The following NLRP14 variants were observed in gnomAD, a reference collection of about 807,000 sequenced individuals.
The protein encoded by NLRP14 is NACHT, LRR and PYD domains-containing protein 14.
Under a neutral mutation model 94.7 loss-of-function variants are expected in NLRP14, and 105 were observed. The observed-to-expected ratio is 1.11, with a 90% confidence interval of 0.95 to 1.30. The LOEUF is 1.30. Ranked by LOEUF, NLRP14 falls within the 50% of genes most tolerant of loss-of-function variation. The pLI, the probability that NLRP14 is intolerant of heterozygous loss-of-function variation, is 0.00. For synonymous variants in NLRP14, 508 were observed against 459.9 expected, an observed-to-expected ratio of 1.10 and a Z score of -1.34; for missense variants, 1,362 against 1,254.1, an observed-to-expected ratio of 1.09 and a Z score of -1.30.
At chr11:7,046,888 A>T in intron 5 of NLRP14, 56 bp downstream of exon 5, 1 of 1,299,890 alleles carries the variant, frequency 7.7e-7, no homozygotes, top group Non-Finnish European at 1.1e-6. Flanking sequence ...TCTGTGTCCC[A>T]TCTTCCACTC....
In NLRP14 at chr11:7,071,258, G is replaced by T; in HGVS notation, c.3232G>T (p.Asp1078Tyr). 1 of 1,613,596 alleles carries T rather than the reference G, an allele frequency of 6.2e-7. No homozygotes were observed. Residue 1078 changes from aspartate to tyrosine, a missense_variant, in exon 12 of 12, where the codon GAT becomes TAT. Transcript: ENST00000299481. ...CAATCCACACTTAATCATTAAGCCA[G>T]ATTGTAACTATCATAATGAAGAAGA... ...VSNPHLIIKP[D>Y]CNYHNEEDVS...
chr11:7,089,968 T>A, the NLRP14 span: 2 of 1,612,494 alleles, frequency 1.2e-6, no homozygotes, highest in Non-Finnish European at 1.7e-6. Flanking sequence ...CGAGAGCCCT[T>A]TGAGAGCTAC....
intron 10 of NLRP14, among the ~76,000 whole-genome samples, 184 bp from the exon 11 acceptor site, chr11:7,070,102 T>C (rs1852768533): frequency 6.6e-6 from 1 of 152,234 alleles, no homozygotes; most frequent in African/African-American, 2.4e-5. Flanking sequence ...AGGGATAAGT[T>C]CAGCCTAGAA....
rs1431347637 is a variant in NLRP14 at position 7,066,956 on chromosome 11, G to A, written c.2976-3330G>A. On this transcript the variant is annotated intron_variant, in intron 10 of 11. Coordinates refer to ENST00000299481, the MANE Select transcript of NLRP14 (RefSeq NM_176822.4). The stretch of plus-strand genomic sequence containing the variant: ...TTTCCCAACACCATTTATTAAATAG[G>A]GAATCCTTTCCCTATTGCTTGTTAC... Among the ~76,000 whole-genome samples the A allele has an allele frequency of 3.3e-5, 5 of 152,218 alleles. No homozygotes were observed. In the East Asian group the frequency reaches 9.7e-4, roughly 29 times the overall value.
chr11:7,041,829 TAAAC>T (rs1186281669), intron 3 of NLRP14, among the ~76,000 whole-genome samples: 2 of 152,186 alleles, frequency 1.3e-5, no homozygotes, highest in African/African-American at 4.8e-5. Flanking sequence ...GGATCAGACT[TAAAC>T]AAGTAAAGAT....
chr11:7,071,013 C>G (rs894926907), intron 11 of NLRP14, among the ~76,000 whole-genome samples, 160 bp from the exon 12 acceptor site: 1 of 152,116 alleles, frequency 6.6e-6, no homozygotes, highest in Non-Finnish European at 1.5e-5. Context: ...CTCACTGTAT[C>G]TCTCTCAGTT....
intron 6 of NLRP14, among the ~76,000 whole-genome samples, chr11:7,056,027 C>A (rs1852510419): frequency 1.3e-5 from 2 of 151,846 alleles, no homozygotes; most frequent in African/African-American, 4.8e-5. Flanking sequence ...CTTTTGGCTT[C>A]CCTTTTGATT....
At chr11:7,030,256 A>C (rs12295155) in intron 1 of NLRP14, among the ~76,000 whole-genome samples, 7,238 of 152,300 alleles carry the variant, frequency 0.048, 329 homozygotes, top group African/African-American at 0.12. Context: ...ATCTTAGAGC[A>C]GTTCTAGTCA....
At chr11:7,030,726 A>G (rs1458941492) in intron 1 of NLRP14, among the ~76,000 whole-genome samples, 1 of 152,198 alleles carries the variant, frequency 6.6e-6, no homozygotes, top group Non-Finnish European at 1.5e-5. Flanking sequence ...TAAGATGCTC[A>G]ATAATCGTAC....
At chr11:7,085,059 T>A in the NLRP14 span, among the ~76,000 whole-genome samples, 1 of 152,208 alleles carries the variant, frequency 6.6e-6, no homozygotes, top group African/African-American at 2.4e-5. Flanking sequence ...GTGTTCACCA[T>A]CTTAACCAGT....
chr11:7,062,678 G>A (rs1462256726), intron 10 of NLRP14, among the ~76,000 whole-genome samples, 175 bp downstream of exon 10: 1 of 152,034 alleles, frequency 6.6e-6, no homozygotes, highest in Admixed American at 6.6e-5. Context: ...ATGTTCTTTA[G>A]TATAGAAGCC....
intron 6 of NLRP14, among the ~76,000 whole-genome samples, chr11:7,053,952 C>T (rs1852481148): frequency 6.6e-6 from 1 of 152,108 alleles, no homozygotes; most frequent in Admixed American, 6.6e-5. Context: ...CTCATTCCCC[C>T]ACTGTGCTTC....
chr11:7,083,561 T>G, the NLRP14 span, among the ~76,000 whole-genome samples: 14 of 152,282 alleles, frequency 9.2e-5, no homozygotes, highest in African/African-American at 3.1e-4. Context: ...TTGTTCAGGG[T>G]CTTCTCCCAG....
intron 6 of NLRP14, among the ~76,000 whole-genome samples, chr11:7,051,048 A>C (rs1852435023): frequency 6.6e-6 from 1 of 152,214 alleles, no homozygotes; most frequent in Non-Finnish European, 1.5e-5. Context: ...GGACTTGATA[A>C]GATCCCTTCC....
At chr11:7,026,547 C>T (rs2119551492) in intron 1 of NLRP14, among the ~76,000 whole-genome samples, 1 of 151,996 alleles carries the variant, frequency 6.6e-6, no homozygotes, top group Middle Eastern at 3.4e-3. Flanking sequence ...AACACTTTTA[C>T]ACTGTTGGTG....
intron 8 of NLRP14, among the ~76,000 whole-genome samples, chr11:7,058,977 C>T (rs893770050): frequency 1.3e-5 from 2 of 151,892 alleles, no homozygotes; most frequent in African/African-American, 2.4e-5. Context: ...TTTATATTCC[C>T]AGCAGCAGTC....
At chr11:7,056,965 A>G (rs1340013412) in intron 6 of NLRP14, among the ~76,000 whole-genome samples, 2 of 152,088 alleles carry the variant, frequency 1.3e-5, no homozygotes, top group African/African-American at 2.4e-5. Flanking sequence ...ATGACGAGAA[A>G]CAATTCTTGA....
the NLRP14 span, chr11:7,090,002 A>G: frequency 4.9e-5 from 79 of 1,612,984 alleles, no homozygotes; most frequent in Admixed American, 6.7e-5. Context: ...GCGCCGCCCC[A>G]GGACGGGGGA....
At chr11:7,089,718 C>T in the NLRP14 span, 6 of 1,528,384 alleles carry the variant, frequency 3.9e-6, no homozygotes, top group South Asian at 2.4e-5. Flanking sequence ...GGAGCCGCTG[C>T]CCCCGCGCCG....
Sources: allele counts gnomAD v4.1 joint callset (sites outside exome capture counted in the v4.1 genomes callset), GRCh38; gene constraint gnomAD v4.1.1; transcripts MANE v1.5; gene names NCBI Gene and HGNC (gene_info 2026-07-23, HGNC 2026-07-21).